Variants in LGR5 observed in about 807,000 individuals in gnomAD.
LGR5 encodes the protein leucine rich repeat containing G protein-coupled receptor 5.
Under a neutral mutation model 76.7 loss-of-function variants are expected in LGR5, and 54 were observed. The ratio of observed to expected loss-of-function variants is 0.70; its 90% confidence interval spans 0.57 to 0.88. The LOEUF is 0.88. Ranked by LOEUF, LGR5 falls within the 40% of genes least tolerant of loss-of-function variation. LGR5 has a pLI of 0.00. For synonymous variants in LGR5, 406 were observed against 421.9 expected, an observed-to-expected ratio of 0.96 and a Z score of 0.46; for missense variants, 1,078 against 1,073.3, an observed-to-expected ratio of 1.00 and a Z score of -0.06.
At chr12:71,564,710 TATATAC>T (rs1452495425) in intron 8 of LGR5, among the ~76,000 whole-genome samples, 35 of 14,424 alleles carry the variant, frequency 2.4e-3, no homozygotes, top group Non-Finnish European at 4.1e-3. Context: ...ACACACTGTA[TATATAC>T]ATATATACAT....
chr12:71,521,064 T>A (rs1275748927), intron 2 of LGR5, among the ~76,000 whole-genome samples: 1 of 152,200 alleles, frequency 6.6e-6, no homozygotes, highest in African/African-American at 2.4e-5. Flanking sequence ...ACACTGACTT[T>A]TAGGAAAACA....
At chr12:71,443,411 A>T (rs1457343952) in intron 1 of LGR5, among the ~76,000 whole-genome samples, 1 of 152,198 alleles carries the variant, frequency 6.6e-6, no homozygotes, top group Non-Finnish European at 1.5e-5. Context: ...AAAACGCTGG[A>T]AAAATCTCAG....
intron 1 of LGR5, among the ~76,000 whole-genome samples, chr12:71,493,626 T>A (rs1466743430): frequency 6.6e-6 from 1 of 151,228 alleles, no homozygotes; most frequent in Non-Finnish European, 1.5e-5. Context: ...GTTTCACAAA[T>A]GAGTTTGTGG....
chr12:71,454,088 C>G (rs1162618924), intron 1 of LGR5, among the ~76,000 whole-genome samples: 2 of 152,080 alleles, frequency 1.3e-5, no homozygotes, highest in African/African-American at 2.4e-5. Flanking sequence ...TTGGAGCAGA[C>G]AGTCTTTTAA....
intron 15 of LGR5, among the ~76,000 whole-genome samples, chr12:71,579,941 G>A (rs915240246): frequency 1.3e-5 from 2 of 151,952 alleles, no homozygotes; most frequent in Non-Finnish European, 2.9e-5. Flanking sequence ...TCATATTGTA[G>A]TCACTTATTC....
rs1413431234 is a variant in LGR5 at position 71,584,441 on chromosome 12, C to A, written c.2431C>A (p.Leu811Ile). Residue 811 changes from leucine (L) to isoleucine (I), a missense_variant, in exon 18 of 18, where the codon CTT becomes ATT. Coordinates refer to ENST00000266674, the MANE Select transcript of LGR5 (RefSeq NM_003667.4). ...IKFILLVVVPLPACLNPLLYI... is the reference protein window; with the variant it reads ...IKFILLVVVPIPACLNPLLYI... ...GTTTATCCTTCTGGTGGTAGTCCCA[C>A]TTCCTGCATGTCTCAATCCCCTTCT... The A allele has an allele frequency of 1.2e-6, 2 of 1,614,132 alleles. No homozygotes were observed. The highest frequency in any genetic ancestry group is 1.7e-6 in the Non-Finnish European group (2 of 1,179,958).
rs1183412712 is a variant in LGR5 at position 71,487,848 on chromosome 12, AC to A, written c.213-16763del. Among the ~76,000 whole-genome samples, 27 of 152,302 alleles carry A rather than the reference AC, an allele frequency of 1.8e-4. No homozygotes were observed. The East Asian group carries it at 5.0e-3, about 28-fold the overall frequency. On this transcript the variant is annotated intron_variant, in intron 1 of 17. Coordinates refer to ENST00000266674, the MANE Select transcript of LGR5 (RefSeq NM_003667.4). ...GAGTCTAGAATACTCCCTAGATTGA[AC>A]CCAATTCTGTGAAGGTTTTCTATGC...
rs185217206 is a variant in LGR5 at position 71,446,887 on chromosome 12, A to T, written c.212+6595A>T. ...CCATTTTCTTACTACCACAGAAACA[A>T]TTTTTCTTGTCTTCAAATCAGAGAT... On this transcript the variant is annotated intron_variant, in intron 1 of 17. Coordinates refer to ENST00000266674, the MANE Select transcript of LGR5 (RefSeq NM_003667.4). 4.1e-4 allele frequency among the ~76,000 whole-genome samples: 62 copies of T among 152,312 alleles called. 1 individual carries two copies. The highest frequency in any genetic ancestry group is 1.4e-3 in the African/African-American group (60 of 41,574).
intron 4 of LGR5, among the ~76,000 whole-genome samples, chr12:71,547,633 A>AAGAG (rs1342420808): frequency 1.3e-5 from 2 of 152,206 alleles, no homozygotes; most frequent in Non-Finnish European, 2.9e-5. Flanking sequence ...TTGACCCACA[A>AAGAG]AGAGAGATAT....
At chr12:71,536,622 T>C (rs1057220506) in intron 4 of LGR5, among the ~76,000 whole-genome samples, 1 of 152,212 alleles carries the variant, frequency 6.6e-6, no homozygotes, top group African/African-American at 2.4e-5. Context: ...GAAATGGTGA[T>C]AATGGCGGTA....
At chr12:71,524,146 A>G (rs1022461330) in intron 2 of LGR5, among the ~76,000 whole-genome samples, 7 of 152,246 alleles carry the variant, frequency 4.6e-5, no homozygotes, top group African/African-American at 1.4e-4. Flanking sequence ...ACAGTTTTAT[A>G]TATATGTACA....
chr12:71,584,638 C>T lies in LGR5; in HGVS notation c.2628C>T (p.Ile876=). 1.2e-6 allele frequency: 2 copies of T among 1,614,212 alleles called. No individual in the cohort carries two copies. The highest frequency in any genetic ancestry group is 1.7e-6 in the Non-Finnish European group (2 of 1,180,032). The change falls in exon 18 of 18, where the codon ATC becomes ATT. Residue 876 remains isoleucine, a synonymous_variant. Coordinates refer to ENST00000266674, the MANE Select transcript of LGR5 (RefSeq NM_003667.4). ...QALVTFTSSS[I]TYDLPPSSVP... ...TGGTAACCTTTACCAGCTCCAGCAT[C>T]ACTTATGACCTGCCTCCCAGTTCCG...
rs1447111959 is a variant in LGR5 at position 71,585,085 on chromosome 12, C to G, written c.*351C>G. The G allele has an allele frequency of 2.1e-5, 4 of 192,192 alleles. No individual in the cohort carries two copies. The highest frequency in any genetic ancestry group is 4.3e-5 in the Non-Finnish European group (4 of 93,362). The allele number at this position is 192,192 out of a possible 1,614,324, so 11.9% of individuals were successfully genotyped here. Reference sequence around the variant, plus strand: ...TAATCATTTTGGGAGGAGGGAGAACCCACTTGCTTTCCAAATGGGTTTATT... The same window carrying G: ...TAATCATTTTGGGAGGAGGGAGAACGCACTTGCTTTCCAAATGGGTTTATT... On this transcript the variant is annotated 3_prime_UTR_variant, in exon 18 of 18. Coordinates refer to ENST00000266674, the MANE Select transcript of LGR5 (RefSeq NM_003667.4).
intron 1 of LGR5, among the ~76,000 whole-genome samples, chr12:71,479,251 C>A (rs1001134507): frequency 6.6e-6 from 1 of 152,146 alleles, no homozygotes; most frequent in African/African-American, 2.4e-5. Context: ...AAAGGAAACA[C>A]AAGGAAGATA....
At chr12:71,449,161 C>G (rs989798104) in intron 1 of LGR5, among the ~76,000 whole-genome samples, 1 of 152,160 alleles carries the variant, frequency 6.6e-6, no homozygotes, top group African/African-American at 2.4e-5. Context: ...GAAAGGATGC[C>G]TTTTCCTTAT....
chr12:71,488,695 G>C (rs1366977671), intron 1 of LGR5, among the ~76,000 whole-genome samples: 1 of 152,158 alleles, frequency 6.6e-6, no homozygotes, highest in Non-Finnish European at 1.5e-5. Flanking sequence ...TATTTTATAA[G>C]GGGCCAATTT....
At chr12:71,476,862 G>A (rs993982847) in intron 1 of LGR5, among the ~76,000 whole-genome samples, 4 of 152,108 alleles carry the variant, frequency 2.6e-5, no homozygotes, top group Admixed American at 6.5e-5. Flanking sequence ...AAAATAAAAC[G>A]TTATACCTAA....
intron 8 of LGR5, among the ~76,000 whole-genome samples, chr12:71,563,408 C>T (rs1214208986): frequency 5.3e-5 from 8 of 152,200 alleles, no homozygotes; most frequent in Non-Finnish European, 8.8e-5. Context: ...CTCCCTTCAC[C>T]GTTGGCAGCA....
chr12:71,492,753 G>A (rs376715466), intron 1 of LGR5, among the ~76,000 whole-genome samples: 3 of 149,300 alleles, frequency 2.0e-5, no homozygotes, highest in African/African-American at 7.5e-5. Context: ...ACATCTTAAG[G>A]TACAGGTTTC....
Sources: allele counts gnomAD v4.1 joint callset (sites outside exome capture counted in the v4.1 genomes callset), GRCh38; gene constraint gnomAD v4.1.1; transcripts MANE v1.5; gene names NCBI Gene and HGNC (gene_info 2026-07-23, HGNC 2026-07-21).